ARPC5: variants seen among roughly 807,000 people sequenced by gnomAD.
The protein encoded by ARPC5 is actin-related protein 2/3 complex subunit 5.
Under a neutral mutation model 15.4 loss-of-function variants are expected in ARPC5, and 5 were observed. The observed-to-expected ratio is 0.32, with a 90% CI of 0.17 to 0.68. The LOEUF is 0.68. Among genes scored for constraint, ARPC5 ranks in the 30% least tolerant of loss-of-function variants. The pLI, the probability that ARPC5 is intolerant of heterozygous loss-of-function variation, is 0.71. For synonymous variants in ARPC5, 85 were observed against 72.2 expected (o/e 1.18, Z -0.90); for missense variants, 138 against 192.8 (o/e 0.72, Z 1.68).
Position 183,623,388 on chromosome 1 carries a change from T to C in ARPC5, c.*4144A>G, listed in dbSNP as rs980329449. On this transcript the variant is annotated 3_prime_UTR_variant, in exon 4 of 4. Transcript: ENST00000359856. The stretch of plus-strand genomic sequence containing the variant: ...TGGTTGGATCATCAATGTGGTGAAG[T>C]AGCACCACCTTGAGGCAGATGACAT... 6 of 1,544,886 alleles carry C rather than the reference T, an allele frequency of 3.9e-6. No homozygotes were observed. The African/African-American group carries it at 6.9e-5, about 18-fold the overall frequency.
intron 1 of ARPC5, among the ~76,000 whole-genome samples, chr1:183,635,225 C>G (rs1649431054): frequency 6.6e-6 from 1 of 152,220 alleles, no homozygotes. Context: ...GGGACCAGTT[C>G]CCGAGGCAGG....
intron 1 of ARPC5, among the ~76,000 whole-genome samples, chr1:183,634,887 A>G (rs1345453123): frequency 6.9e-6 from 1 of 144,492 alleles, no homozygotes; most frequent in Non-Finnish European, 1.5e-5. Flanking sequence ...TACAATGTAT[A>G]TTTTGCCAAA....
intron 3 of ARPC5, among the ~76,000 whole-genome samples, chr1:183,629,725 A>G (rs1649212748): frequency 1.3e-5 from 2 of 152,228 alleles, no homozygotes; most frequent in South Asian, 2.1e-4. Context: ...AAAAAGTTGT[A>G]AAATATCTAA....
In ARPC5 at chr1:183,635,707, C is replaced by G; in HGVS notation, c.-48G>C. On this transcript the variant is annotated 5_prime_UTR_variant, in exon 1 of 4. Coordinates refer to ENST00000359856, the MANE Select transcript of ARPC5 (RefSeq NM_005717.4). ...GGCCTCTTCTTGGCGCTGCCTCTAC[C>G]TCAGCAAGCCCAGCCCAGCAACCCA... 1.3e-6 allele frequency: 2 copies of G among 1,586,944 alleles called. No individual in the cohort carries two copies. Among genetic ancestry groups the G allele is most frequent in the Non-Finnish European group, 1.7e-6 (2 of 1,165,040 alleles).
Position 183,622,319 on chromosome 1 carries a change from C to G in ARPC5, c.*5213G>C, listed in dbSNP as rs1648961371. 1 of 151,796 alleles carries G rather than the reference C, an allele frequency of 6.6e-6. No individual in the cohort carries two copies. The highest frequency in any genetic ancestry group is 6.6e-5 in the Admixed American group (1 of 15,252). The allele number at this position is 151,796 out of a possible 1,614,324, so 9.4% of individuals were successfully genotyped here. ...CAAATTATTTGAAAACGAATAAAAA[C>G]TAAAATGAATAAAATACAGAACCAT... is the stretch of plus-strand genomic sequence containing the variant. On this transcript the variant is annotated 3_prime_UTR_variant, in exon 4 of 4. Transcript: ENST00000359856.
chr1:183,623,491 A>G lies in ARPC5; in HGVS notation c.*4041T>C. On this transcript the variant is annotated 3_prime_UTR_variant, in exon 4 of 4. Coordinates refer to ENST00000359856, the MANE Select transcript of ARPC5 (RefSeq NM_005717.4). ...AGGCACCTGCACAGAACGTTTTCAC[A>G]TTGGGGTTTTCACATATTGTACTAG... 6.5e-7 allele frequency: 1 copy of G among 1,550,180 alleles called. No homozygotes were observed. Among genetic ancestry groups the G allele is most frequent in the Non-Finnish European group, 8.7e-7 (1 of 1,146,796 alleles).
chr1:183,630,990 G>A (rs1649246915), intron 2 of ARPC5: 1 of 180,506 alleles, frequency 5.5e-6, no homozygotes, highest in Admixed American at 6.1e-5. Flanking sequence ...AAGGTTTTAA[G>A]AGCAGTGCCA....
At chr1:183,633,263 T>C (rs1649321336) in intron 1 of ARPC5, 109 bp from the exon 2 acceptor site, 2 of 721,620 alleles carry the variant, frequency 2.8e-6, no homozygotes, top group Admixed American at 3.1e-5. Flanking sequence ...CTTTGGTCAC[T>C]ATGTTCAATA....
In ARPC5 at chr1:183,624,683, T is replaced by C. The variant is rs1427455648; in HGVS notation, c.*2849A>G. ...GATTAGTTCAAATTAATGTCTCACTTTAAATACTCTGATCCACCCTGATTT... is the reference window on the plus strand; with the variant it reads ...GATTAGTTCAAATTAATGTCTCACTCTAAATACTCTGATCCACCCTGATTT... On this transcript the variant is annotated 3_prime_UTR_variant, in exon 4 of 4. Transcript: ENST00000359856. The C allele has an allele frequency of 1.3e-5, 2 of 149,930 alleles. No individual in the cohort carries two copies. Among genetic ancestry groups the C allele is most frequent in the Non-Finnish European group, 2.9e-5 (2 of 67,980 alleles). 9.3% of individuals were successfully genotyped at this position (149,930 alleles called of 1,614,324 possible).
chr1:183,627,505 G>C lies in ARPC5; in HGVS notation c.*27C>G, dbSNP rs1210443322. The C allele has an allele frequency of 6.2e-7, 1 of 1,606,232 alleles. No individual in the cohort carries two copies. The highest frequency in any genetic ancestry group is 1.1e-5 in the South Asian group (1 of 90,902). On this transcript the variant is annotated 3_prime_UTR_variant, in exon 4 of 4. Transcript: ENST00000359856. The stretch of plus-strand genomic sequence containing the variant: ...CTTTGTACCAGCAATTCCCACTCCC[G>C]AGGCAGATAATCCACTTCCTGCCAG...
At position 183,627,348 on chromosome 1, in the gene ARPC5, T is replaced by A. The variant is rs1338187055; in HGVS notation, c.*184A>T. On this transcript the variant is annotated 3_prime_UTR_variant, in exon 4 of 4. Coordinates refer to ENST00000359856, the MANE Select transcript of ARPC5 (RefSeq NM_005717.4). The stretch of plus-strand genomic sequence containing the variant: ...TTCTATTTTAACACAATTTCTTCTA[T>A]ATTATCCCAATTTTCATTAAAGGAC... The A allele has an allele frequency of 3.1e-6, 2 of 648,334 alleles. No homozygotes were observed. The highest frequency in any genetic ancestry group is 5.6e-6 in the Non-Finnish European group (2 of 355,706). 40.2% of individuals were successfully genotyped at this position (648,334 alleles called of 1,614,324 possible).
chr1:183,630,672 T>A (rs1247196903), intron 2 of ARPC5, 35 bp from the exon 3 acceptor site: 1 of 1,584,962 alleles, frequency 6.3e-7, no homozygotes, highest in African/African-American at 1.4e-5. Context: ...CATTTAGACA[T>A]ATCTGTATGA....
Position 183,627,437 on chromosome 1 carries a change from A to T in ARPC5, c.*95T>A. On this transcript the variant is annotated 3_prime_UTR_variant, in exon 4 of 4. Coordinates refer to ENST00000359856, the MANE Select transcript of ARPC5 (RefSeq NM_005717.4). ...GCAAGAAGGCAAAGCTGAGAGAAAC[A>T]GATGCTACCCACAGGGCAGCGGTGG... is the stretch of plus-strand genomic sequence containing the variant. 1 of 1,007,818 alleles carries T rather than the reference A, an allele frequency of 9.9e-7. No individual in the cohort carries two copies. The highest frequency in any genetic ancestry group is 1.6e-6 in the Non-Finnish European group (1 of 638,594). The allele number at this position is 1,007,818 out of a possible 1,614,324, so 62.4% of individuals were successfully genotyped here.
rs1649080876 is a variant in ARPC5, at chr1:183,625,842, G to C, written c.*1690C>G. 6.6e-6 allele frequency: 1 copy of C among 152,240 alleles called. No homozygotes were observed. The highest frequency in any genetic ancestry group is 1.5e-5 in the Non-Finnish European group (1 of 68,050). The allele number at this position is 152,240 out of a possible 1,614,324, so 9.4% of individuals were successfully genotyped here. ...ATCGAAAGCAAACAGAAGTCGCTGT[G>C]AGTAGGTAAGTACAAGAAATAGATT... On this transcript the variant is annotated 3_prime_UTR_variant, in exon 4 of 4. Transcript: ENST00000359856.
At chr1:183,635,253 C>G (rs936071144) in intron 1 of ARPC5, among the ~76,000 whole-genome samples, 3 of 152,340 alleles carry the variant, frequency 2.0e-5, no homozygotes, top group Admixed American at 6.5e-5. Flanking sequence ...TCGGGTGCAA[C>G]CTGAGGAATC....
rs534794229 is a variant in ARPC5, at chr1:183,635,561, G to A, written c.99C>T (p.Gly33=). 2 of 1,613,356 alleles carry A rather than the reference G, an allele frequency of 1.2e-6. No homozygotes were observed. The highest frequency in any genetic ancestry group is 4.5e-5 in the East Asian group (2 of 44,852). The change falls in exon 1 of 4, where the codon GGC becomes GGT. Residue 33 remains glycine, a synonymous_variant. Coordinates refer to ENST00000359856, the MANE Select transcript of ARPC5 (RefSeq NM_005717.4). ...CCTCGCCCTCGTCGGGCCCGGCCTG[G>A]CCGTCGCCCCCATCTTCTTCGTCCA... is the stretch of plus-strand genomic sequence containing the variant. ...KFVDEEDGGD[G]QAGPDEGEVD... is the part of the protein sequence containing the mutation.
intron 3 of ARPC5, among the ~76,000 whole-genome samples, chr1:183,628,181 A>G (rs1417072847): frequency 7.9e-6 from 1 of 127,210 alleles, no homozygotes; most frequent in African/African-American, 3.8e-5. Flanking sequence ...TCAAAAAAAA[A>G]AAAAAAAAAA....
rs921790668 is a variant in ARPC5 at position 183,621,124 on chromosome 1, T to C, written c.*6408A>G. On this transcript the variant is annotated 3_prime_UTR_variant, in exon 4 of 4. Coordinates refer to ENST00000359856, the MANE Select transcript of ARPC5 (RefSeq NM_005717.4). ...CATCAGATTTGAAAAGATTAAAAAA[T>C]GTTTTATGACAAACACATAGAATAG... is the stretch of plus-strand genomic sequence containing the variant. The C allele has an allele frequency of 3.3e-5, 5 of 152,218 alleles. No homozygotes were observed. The highest frequency in any genetic ancestry group is 5.9e-5 in the Non-Finnish European group (4 of 68,040). The allele number at this position is 152,218 out of a possible 1,614,324, so 9.4% of individuals were successfully genotyped here.
At position 183,633,157 on chromosome 1, in the gene ARPC5, G is replaced by A. The variant is rs1414512726; in HGVS notation, c.144-3C>T. ...GTAGGGCAGCTGTCATGTTTCCTGTGATGGAAGTTAAGGGTGTAACAGCAA... is the reference window on the plus strand; with the variant it reads ...GTAGGGCAGCTGTCATGTTTCCTGTAATGGAAGTTAAGGGTGTAACAGCAA... On this transcript the variant is annotated splice_polypyrimidine_tract_variant and splice_region_variant and intron_variant, in intron 1 of 3. Transcript: ENST00000359856. The A allele has an allele frequency of 6.3e-7, 1 of 1,598,678 alleles. No homozygotes were observed. The highest frequency in any genetic ancestry group is 1.8e-5 in the Admixed American group (1 of 56,214).
Sources: gnomAD v4.1 joint callset for allele counts (sites outside exome capture counted in the v4.1 genomes callset) on GRCh38, gnomAD v4.1.1 for gene constraint, MANE v1.5 for transcripts, NCBI Gene and HGNC (gene_info 2026-07-23, HGNC 2026-07-21) for gene names.